KMT2C: variants seen among roughly 807,000 people sequenced by gnomAD.
The protein encoded by KMT2C is lysine methyltransferase 2C, also known as histone-lysine N-methyltransferase 2C.
Under a neutral mutation model 507.9 loss-of-function variants are expected in KMT2C, and 88 were observed. The observed-to-expected ratio is 0.17, with a 90% CI of 0.15 to 0.21. KMT2C has a LOEUF of 0.21. Ranked by LOEUF, KMT2C falls within the 10% of genes least tolerant of loss-of-function variation. The pLI, the probability that KMT2C is intolerant of heterozygous loss-of-function variation, is 1.00. For synonymous variants in KMT2C, 2,049 were observed against 2,080.8 expected (o/e 0.98, Z 0.42); for missense variants, 4,954 against 5,957.8 (o/e 0.83, Z 5.55).
chr7:152,191,705 A>T (rs1274163749), intron 31 of KMT2C, among the ~76,000 whole-genome samples: 1 of 152,198 alleles, frequency 6.6e-6, no homozygotes, highest in Non-Finnish European at 1.5e-5. Context: ...TATTTCTCAG[A>T]GCCCTTTACA....
intron 39 of KMT2C, among the ~76,000 whole-genome samples, chr7:152,173,202 C>T (rs2093042922): frequency 6.6e-6 from 1 of 152,114 alleles, no homozygotes; most frequent in African/African-American, 2.4e-5. Flanking sequence ...AAGAATTATA[C>T]CCTTAAGAAT....
intron 38 of KMT2C, 105 bp downstream of exon 38, chr7:152,176,086 A>T: frequency 1.7e-6 from 2 of 1,163,614 alleles, no homozygotes; most frequent in Non-Finnish European, 2.4e-6. Context: ...AGAAAAACTC[A>T]GTGCTTTATT....
chr7:152,185,326 C>T (rs4726138), intron 34 of KMT2C, among the ~76,000 whole-genome samples: 151,264 of 152,310 alleles, frequency 0.99, 75,121 homozygotes, highest in East Asian at 1. Flanking sequence ...CCCCCTAAAA[C>T]AGCTGATTTT....
chr7:152,331,697 G>A (rs1362146721), intron 2 of KMT2C, among the ~76,000 whole-genome samples: 4 of 138,190 alleles, frequency 2.9e-5, no homozygotes, highest in East Asian at 4.2e-4. Context: ...CACCCAGGCT[G>A]GAATGCAATG....
Position 152,163,882 on chromosome 7 carries a change from A to G in KMT2C, c.9751-56T>C. The G allele has an allele frequency of 2.6e-6, 4 of 1,519,500 alleles. No individual in the cohort carries two copies. In the South Asian group the frequency reaches 4.5e-5, roughly 17 times the overall value. The allele number at this position is 1,519,500 out of a possible 1,614,324, so 94.1% of individuals were successfully genotyped here. On this transcript the variant is annotated intron_variant, in intron 42 of 58. Transcript: ENST00000262189. The stretch of plus-strand genomic sequence containing the variant: ...TCTATACAGCATAGGTACTGAAGTA[A>G]AACACTGGCTGATGACTGTGGTTGA...
chr7:152,258,093 T>TC (rs1400204971), intron 9 of KMT2C, among the ~76,000 whole-genome samples: 1 of 152,076 alleles, frequency 6.6e-6, no homozygotes, highest in Non-Finnish European at 1.5e-5. Flanking sequence ...CAGCACCCAT[T>TC]CCCCACTAAA....
chr7:152,255,128 T>TATATATAC (rs2095632697), intron 9 of KMT2C, among the ~76,000 whole-genome samples: 1 of 127,368 alleles, frequency 7.9e-6, no homozygotes, highest in African/African-American at 3.0e-5. Flanking sequence ...TATATATATA[T>TATATATAC]ATATATATAT....
intron 31 of KMT2C, among the ~76,000 whole-genome samples, chr7:152,189,171 A>C (rs2093715432): frequency 6.6e-6 from 1 of 152,176 alleles, no homozygotes; most frequent in Non-Finnish European, 1.5e-5. Flanking sequence ...ACACTCCTTT[A>C]AGCATGTAAC....
In KMT2C at chr7:152,325,337, T is replaced by C. The variant is rs561467422; in HGVS notation, c.389+5264A>G. Among the ~76,000 whole-genome samples the C allele has an allele frequency of 7.6e-3, 1,145 of 151,650 alleles. 12 individuals carry two copies. Among genetic ancestry groups the C allele is most frequent in the Non-Finnish European group, 9.1e-3 (616 of 67,762 alleles). ...CTAATTTTTGTATTTTTAGTAGAGA[T>C]GGGGTTTCACCATGTTGGCCAGGCT... On this transcript the variant is annotated intron_variant, in intron 3 of 58. Coordinates refer to ENST00000262189, the MANE Select transcript of KMT2C (RefSeq NM_170606.3).
At chr7:152,214,529 A>G (rs1268993883) in intron 23 of KMT2C, among the ~76,000 whole-genome samples, 3 of 152,174 alleles carry the variant, frequency 2.0e-5, no homozygotes. Flanking sequence ...TGAAAAAAAA[A>G]TCAGTTTTGT....
chr7:152,257,537 C>A (rs374256078), intron 9 of KMT2C, among the ~76,000 whole-genome samples: 1 of 152,006 alleles, frequency 6.6e-6, no homozygotes, highest in African/African-American at 2.4e-5. Context: ...TTACTGAGAG[C>A]AAACTGAAGC....
intron 31 of KMT2C, among the ~76,000 whole-genome samples, chr7:152,190,587 T>G (rs2093762572): frequency 6.6e-6 from 1 of 152,066 alleles, no homozygotes; most frequent in African/African-American, 2.4e-5. Flanking sequence ...ATTCAAGAAG[T>G]GGTCTTTTTT....
intron 6 of KMT2C, among the ~76,000 whole-genome samples, chr7:152,287,634 A>G (rs1325882328): frequency 6.6e-6 from 1 of 152,242 alleles, no homozygotes; most frequent in Non-Finnish European, 1.5e-5. Context: ...AAATCTGAAC[A>G]GGAATTTGAA....
chr7:152,391,264 A>G (rs1283052387), intron 1 of KMT2C, among the ~76,000 whole-genome samples: 1 of 147,940 alleles, frequency 6.8e-6, no homozygotes, highest in Non-Finnish European at 1.5e-5. Flanking sequence ...TTTTTGAGAC[A>G]GTCTTGCTCT....
chr7:152,163,422 A>C lies in KMT2C; in HGVS notation c.10155T>G (p.Phe3385Leu). Residue 3385 changes from phenylalanine to leucine, a missense_variant, in exon 43 of 59, where the codon TTT (phenylalanine) becomes TTG (leucine). Phe to Leu is a conservative substitution (Grantham distance 22). Transcript: ENST00000262189. ...PQSGPPPRVE[F>L]DDNNPFSESF... Reference sequence around the variant, plus strand: ...TTTCACTAAAGGGATTGTTGTCATCAAATTCTACCCGAGGTGGTGGTCCAC... The same window carrying C: ...TTTCACTAAAGGGATTGTTGTCATCCAATTCTACCCGAGGTGGTGGTCCAC... 6.2e-7 allele frequency: 1 copy of C among 1,614,202 alleles called. No homozygotes were observed. The highest frequency in any genetic ancestry group is 8.5e-7 in the Non-Finnish European group (1 of 1,180,034).
In KMT2C at chr7:152,383,528, A is replaced by G. The variant is rs555130018; in HGVS notation, c.162-24853T>C. Among the ~76,000 whole-genome samples, 5 of 152,116 alleles carry G rather than the reference A, an allele frequency of 3.3e-5. No individual in the cohort carries two copies. The East Asian group carries it at 9.6e-4, about 29-fold the overall frequency. On this transcript the variant is annotated intron_variant, in intron 1 of 58. Transcript: ENST00000262189. ...ACAGGAAGCCGGGAAACCCTGGGAA[A>G]GGAGGGATTATATTACACATGTTAT...
chr7:152,278,427 C>T (rs1179153915), intron 6 of KMT2C, among the ~76,000 whole-genome samples: 1 of 152,156 alleles, frequency 6.6e-6, no homozygotes, highest in Non-Finnish European at 1.5e-5. Flanking sequence ...ATTACAGGCA[C>T]CTGCCACCGC....
At chr7:152,396,231 C>T (rs138892565) in intron 1 of KMT2C, among the ~76,000 whole-genome samples, 1 of 152,218 alleles carries the variant, frequency 6.6e-6, no homozygotes, top group African/African-American at 2.4e-5. Context: ...CCCACAACTA[C>T]TGACAAAAGG....
intron 1 of KMT2C, among the ~76,000 whole-genome samples, chr7:152,366,106 A>T (rs905150011): frequency 6.6e-6 from 1 of 152,234 alleles, no homozygotes; most frequent in African/African-American, 2.4e-5. Flanking sequence ...AATGTTGGCA[A>T]GGACGTGGAG....
Sources: allele counts gnomAD v4.1 joint callset (sites outside exome capture counted in the v4.1 genomes callset), GRCh38; gene constraint gnomAD v4.1.1; transcripts MANE v1.5; gene names NCBI Gene and HGNC (gene_info 2026-07-23, HGNC 2026-07-21).